Variants in GPR135 observed in about 807,000 individuals in gnomAD.
The protein encoded by GPR135 is G protein-coupled receptor 135.
In GPR135, 17 loss-of-function variants were observed where a neutral mutation model predicts 15.0. The ratio of observed to expected loss-of-function variants is 1.13; its 90% confidence interval spans 0.78 to 1.70. The LOEUF is 1.70. GPR135 is among the 40% of genes most tolerant of loss of function. The pLI is 0.00. For synonymous variants in GPR135, 368 were observed against 349.4 expected (o/e 1.05, Z -0.59); for missense variants, 776 against 727.0 (o/e 1.07, Z -0.78).
At position 59,464,696 on chromosome 14, in the gene GPR135, C is replaced by T. The variant is rs1462983396; in HGVS notation, c.531G>A (p.Ala177=). 2 of 1,574,682 alleles carry T rather than the reference C, an allele frequency of 1.3e-6. No homozygotes were observed. The highest frequency in any genetic ancestry group is 1.7e-6 in the Non-Finnish European group (2 of 1,164,526). ...PPGGSAPAAA[A]GPWRGFCAAS... is the part of the protein sequence containing the mutation. ...CGGCGCAGAAGCCGCGCCAGGGCCC[C>T]GCGGCGGCGGCAGGCGCCGAACCCC... Residue 177 remains alanine (A), a synonymous_variant, in exon 1 of 1, where the codon GCG becomes GCA. Coordinates refer to ENST00000395116, the MANE Select transcript of GPR135 (RefSeq NM_022571.6).
chr14:59,465,132 C>A lies in GPR135; in HGVS notation c.95G>T (p.Gly32Val). 7.3e-7 allele frequency: 1 copy of A among 1,371,712 alleles called. No individual in the cohort carries two copies. The highest frequency in any genetic ancestry group is 1.7e-5 in the South Asian group (1 of 57,366). The allele number at this position is 1,371,712 out of a possible 1,614,324, so 85.0% of individuals were successfully genotyped here. Residue 32 changes from glycine to valine, a missense_variant, in exon 1 of 1, where the codon GGG (glycine) becomes GTG (valine). Gly to Val is a moderately radical substitution (Grantham distance 109). Transcript: ENST00000395116. ...GAPSAAGPPG[G>V]TSSAATAAVL... The stretch of plus-strand genomic sequence containing the variant: ...GGCCGCCGTGGCCGCGGAGGAAGTC[C>A]CGCCAGGTGGGCCGGCCGCGGAGGG...
At position 59,462,900 on chromosome 14, in the gene GPR135, A is replaced by G. The variant is rs758879391; in HGVS notation, c.*842T>C. ...AAGACAAAAATTTTCTACAATGAAA[A>G]TATTTTTTTAAATGTGAAAGCATTC... On this transcript the variant is annotated 3_prime_UTR_variant, in exon 1 of 1. Transcript: ENST00000395116. The G allele has an allele frequency of 2.6e-4, 40 of 152,356 alleles. No individual in the cohort carries two copies. Among genetic ancestry groups the G allele is most frequent in the Non-Finnish European group, 5.3e-4 (36 of 68,024 alleles). 9.4% of individuals were successfully genotyped at this position (152,356 alleles called of 1,614,324 possible).
At chr14:59,455,317 TCA>T (rs1888616995) in intron 6 of GPR135, among the ~76,000 whole-genome samples, 2 of 152,274 alleles carry the variant, frequency 1.3e-5, no homozygotes, top group Admixed American at 1.3e-4. Context: ...CAGCAAGACC[TCA>T]GAGTAGAAAA....
In GPR135 at chr14:59,464,205, A is replaced by C; in HGVS notation, c.1022T>G (p.Ile341Ser). ...GAAGCAGTAGGGCCCCCAGCAGCAG[A>C]TGACGAAGACGATCATGATGAGGAC... ...TTVLIMIVFVICCWGPYCFLV... is the reference protein window; with the variant it reads ...TTVLIMIVFVSCCWGPYCFLV... Residue 341 changes from isoleucine to serine, a missense_variant, in exon 1 of 1, where the codon ATC becomes AGC. Ile to Ser is a moderately radical substitution (Grantham distance 142). Coordinates refer to ENST00000395116, the MANE Select transcript of GPR135 (RefSeq NM_022571.6). The C allele has an allele frequency of 6.2e-7, 1 of 1,610,910 alleles. No homozygotes were observed. Among genetic ancestry groups the C allele is most frequent in the Non-Finnish European group, 8.5e-7 (1 of 1,179,894 alleles).
downstream of GPR135, chr14:59,455,843 T>C (rs367859489): frequency 5.3e-5 from 8 of 152,336 alleles, no homozygotes; most frequent in East Asian, 1.4e-3. Flanking sequence ...TGCCACATTC[T>C]GTTCATCAAA....
chr14:59,455,717 A>C (rs1888629023), exon 6 of GPR135: 1 of 57,008 alleles, frequency 1.8e-5, no homozygotes, highest in South Asian at 6.3e-4. Context: ...GGGCTGCTTG[A>C]GTGTCCTCAC....
Position 59,465,077 on chromosome 14 carries a change from C to T in GPR135, c.150G>A (p.Ala50=). 1.5e-6 allele frequency: 2 copies of T among 1,374,660 alleles called. No homozygotes were observed. The highest frequency in any genetic ancestry group is 1.9e-6 in the Non-Finnish European group (2 of 1,065,362). The allele number at this position is 1,374,660 out of a possible 1,614,324, so 85.2% of individuals were successfully genotyped here. ...TTGCGTCGCTCAGGTTCCCCAGCGC[C>T]GCGGTCGCCACGGTGCTGAAGGAGA... ...AVLSFSTVAT[A]ALGNLSDASG... The change falls in exon 1 of 1, where the codon GCG becomes GCA. Residue 50 remains alanine, a synonymous_variant. Coordinates refer to ENST00000395116, the MANE Select transcript of GPR135 (RefSeq NM_022571.6).
Position 59,464,048 on chromosome 14 carries a change from G to A in GPR135, c.1179C>T (p.Asn393=), listed in dbSNP as rs1594895981. The part of the protein sequence containing the change: ...NPVIYAIRNP[N]ISMLLGRNRE... ...GGTTGCGCCCTAGGAGCATCGAAAT[G>A]TTGGGATTGCGGATGGCGTAGATGA... Residue 393 remains asparagine, a synonymous_variant, in exon 1 of 1, where the codon AAC becomes AAT. Coordinates refer to ENST00000395116, the MANE Select transcript of GPR135 (RefSeq NM_022571.6). 6.2e-7 allele frequency: 1 copy of A among 1,613,716 alleles called. No individual in the cohort carries two copies.
At chr14:59,456,091 G>C (rs553264954), downstream of GPR135, among the ~76,000 whole-genome samples, 6 of 152,262 alleles carry the variant, frequency 3.9e-5, no homozygotes, top group East Asian at 1.9e-4. Flanking sequence ...GGAAGTGCAA[G>C]TCATCTTGCA....
downstream of GPR135, among the ~76,000 whole-genome samples, chr14:59,458,218 C>T (rs1489475092): frequency 1.3e-5 from 2 of 152,170 alleles, no homozygotes; most frequent in Admixed American, 1.3e-4. Context: ...CTGATCACTT[C>T]TAGATGTTAG....
chr14:59,464,007 C>T lies in GPR135; in HGVS notation c.1220G>A (p.Arg407Gln), dbSNP rs752735950. ...LLGRNREEGY[R>Q]TRNVDAFLPS... is the part of the protein sequence containing the mutation. ...CAGGAAAGCGTCCACATTCCTAGTC[C>T]GGTAGCCCTCCTCGCGGTTGCGCCC... Residue 407 changes from arginine (R) to glutamine (Q), a missense_variant, in exon 1 of 1, where the codon CGG (arginine) becomes CAG (glutamine). Transcript: ENST00000395116. 51 of 1,613,888 alleles carry T rather than the reference C, an allele frequency of 3.2e-5. No homozygotes were observed. In the East Asian group the frequency reaches 1.1e-3, roughly 35 times the overall value.
Position 59,464,287 on chromosome 14 carries a change from C to G in GPR135, c.940G>C (p.Val314Leu), listed in dbSNP as rs200690091. The change falls in exon 1 of 1, where the codon GTG becomes CTG. Residue 314 changes from valine to leucine, a missense_variant. Physicochemically the swap from Val to Leu is conservative, Grantham distance 32. Transcript: ENST00000395116. ...CGCAGCACGCGCGCGTAGGTGTTCA[C>G]CGGCCGCACGCGCACGTCCGACAGG... ...VRLSDVRVRP[V>L]NTYARVLRFF... 4.3e-6 allele frequency: 7 copies of G among 1,611,950 alleles called. No individual in the cohort carries two copies. The East Asian group carries it at 1.3e-4, about 31-fold the overall frequency.
chr14:59,460,077 A>G (rs1888802565), downstream of GPR135, among the ~76,000 whole-genome samples: 1 of 152,236 alleles, frequency 6.6e-6, no homozygotes, highest in African/African-American at 2.4e-5. Flanking sequence ...TTGCATGGAT[A>G]AAGTTTGAAG....
At chr14:59,454,024 T>G (rs759911624) in intron 6 of GPR135, among the ~76,000 whole-genome samples, 9 of 152,176 alleles carry the variant, frequency 5.9e-5, no homozygotes, top group Non-Finnish European at 8.8e-5. Flanking sequence ...ATAATTAATA[T>G]TGAGTTTCAA....
rs918481206 is a variant in GPR135, at chr14:59,462,021, C to T, written c.*1721G>A. 4 of 152,078 alleles carry T rather than the reference C, an allele frequency of 2.6e-5. No individual in the cohort carries two copies. Among genetic ancestry groups the T allele is most frequent in the African/African-American group, 9.7e-5 (4 of 41,400 alleles). The allele number at this position is 152,078 out of a possible 1,614,324, so 9.4% of individuals were successfully genotyped here. A position where few individuals can be genotyped will look rare whatever the true frequency, so the allele number is the denominator to read the frequency against. ...TACAAACTTCTGATTTGTGATGATA[C>T]CCTGAGAAGCAGAAAAAATTAAAAC... On this transcript the variant is annotated 3_prime_UTR_variant, in exon 1 of 1. Coordinates refer to ENST00000395116, the MANE Select transcript of GPR135 (RefSeq NM_022571.6).
chr14:59,460,588 C>T (rs1888818741), downstream of GPR135: 1 of 152,186 alleles, frequency 6.6e-6, no homozygotes, highest in Non-Finnish European at 1.5e-5. Flanking sequence ...CCTTGGTTTT[C>T]TCATCTGTAA....
downstream of GPR135, among the ~76,000 whole-genome samples, chr14:59,457,843 T>C (rs1483778061): frequency 6.6e-6 from 1 of 152,166 alleles, no homozygotes; most frequent in Admixed American, 6.5e-5. Context: ...GTTGCCTGCT[T>C]TTTTTTCCTG....
chr14:59,459,298 G>GT (rs1315237053), downstream of GPR135, among the ~76,000 whole-genome samples: 1 of 152,106 alleles, frequency 6.6e-6, no homozygotes, highest in Non-Finnish European at 1.5e-5. Flanking sequence ...AAAAATATTG[G>GT]AAAAAATTCT....
rs1407640919 is a variant in GPR135, at chr14:59,465,366, C to G, written c.-140G>C. The G allele has an allele frequency of 3.7e-6, 2 of 544,628 alleles. No individual in the cohort carries two copies. The highest frequency in any genetic ancestry group is 5.5e-6 in the Non-Finnish European group (2 of 366,568). The allele number at this position is 544,628 out of a possible 1,614,324, so 33.7% of individuals were successfully genotyped here. ...CCGGAGGGGTGGCGGTCGCTGGGGACCTGGCGGAGCCTTTGACGTGGGTTC... is the reference window on the plus strand; with the variant it reads ...CCGGAGGGGTGGCGGTCGCTGGGGAGCTGGCGGAGCCTTTGACGTGGGTTC... On this transcript the variant is annotated 5_prime_UTR_variant, in exon 1 of 1. Transcript: ENST00000395116.
Sources: gnomAD v4.1 joint callset for allele counts (sites outside exome capture counted in the v4.1 genomes callset) on GRCh38, gnomAD v4.1.1 for gene constraint, MANE v1.5 for transcripts, NCBI Gene and HGNC (gene_info 2026-07-23, HGNC 2026-07-21) for gene names.